The following BOK variants were observed in gnomAD, a reference collection of about 807,000 sequenced individuals.
The protein encoded by BOK is bcl-2-related ovarian killer protein.
BOK carries 20 observed loss-of-function variants against 18.3 expected under a neutral mutation model. That is an observed-to-expected ratio of 1.09 (90% CI 0.77 to 1.59). BOK has a LOEUF of 1.59. Ranked by LOEUF, BOK falls within the 40% of genes most tolerant of loss-of-function variation. BOK has a pLI of 0.00. For missense variants in BOK, 348 were observed against 307.9 expected, an observed-to-expected ratio of 1.13 and a Z score of -0.97; for synonymous variants, 173 against 142.4, an observed-to-expected ratio of 1.21 and a Z score of -1.53.
At chr2:241,561,150 C>T (rs2066521439) in intron 2 of BOK, among the ~76,000 whole-genome samples, 1 of 152,142 alleles carries the variant, frequency 6.6e-6, no homozygotes, top group Non-Finnish European at 1.5e-5. Context: ...CAGCCTTTAT[C>T]AGCTGGGATG....
intron 3 of BOK, among the ~76,000 whole-genome samples, chr2:241,566,147 G>GGT (rs979514150): frequency 1.4e-5 from 2 of 145,864 alleles, no homozygotes; most frequent in African/African-American, 4.9e-5. Flanking sequence ...GGCCAGGTTT[G>GGT]GTGGCACATG....
At position 241,562,395 on chromosome 2, in the gene BOK, C is replaced by G. The variant is rs777155155; in HGVS notation, c.268C>G (p.Arg90Gly). ...IRPSVYRNVARQLHISLQSEP... is the reference protein window; with the variant it reads ...IRPSVYRNVAGQLHISLQSEP... ...GCCCAGCGTCTACCGCAACGTGGCG[C>G]GTCAGCTGCACATCTCCCTGCAGTC... is the stretch of plus-strand genomic sequence containing the variant. Residue 90 changes from arginine to glycine, a missense_variant, in exon 3 of 5, where the codon CGT (arginine) becomes GGT (glycine). Arg to Gly is a moderately radical substitution (Grantham distance 125, BLOSUM62 -2). Transcript: ENST00000318407. This position sits in a 1 kb window ranked among gnomAD's most constrained non-coding sequence, Gnocchi z 4.5. 3 of 1,612,072 alleles carry G rather than the reference C, an allele frequency of 1.9e-6. No homozygotes were observed. Among genetic ancestry groups the G allele is most frequent in the Non-Finnish European group, 2.5e-6 (3 of 1,179,802 alleles).
chr2:241,559,629 C>T lies in BOK; in HGVS notation c.146C>T (p.Ser49Phe), dbSNP rs1188828879. 23 of 1,440,492 alleles carry T rather than the reference C, an allele frequency of 1.6e-5. No individual in the cohort carries two copies. Among genetic ancestry groups the T allele is most frequent in the Non-Finnish European group, 2.1e-5 (23 of 1,104,662 alleles). The allele number at this position is 1,440,492 out of a possible 1,614,324, so 89.2% of individuals were successfully genotyped here. A position where few individuals can be genotyped will look rare whatever the true frequency, so the allele number is the denominator to read the frequency against. Residue 49 changes from serine to phenylalanine, a missense_variant, in exon 2 of 5, where the codon TCC becomes TTC. Physicochemically the swap from Ser to Phe is radical, Grantham distance 155 (BLOSUM62 -2). Transcript: ENST00000318407. ...GCGCGGCTGCTGCGCGCCGGCCTCT[C>T]CTGGAGCGCGCCCGAGCGTGCCGCG... is the stretch of plus-strand genomic sequence containing the variant. Reference protein sequence around the residue: ...VHARLLRAGLSWSAPERAAPV... With the variant: ...VHARLLRAGLFWSAPERAAPV...
In BOK at chr2:241,570,270, G is replaced by T. The variant is rs2125055195; in HGVS notation, c.495G>T (p.Leu165=). 1 of 1,565,836 alleles carries T rather than the reference G, an allele frequency of 6.4e-7. No homozygotes were observed. The highest frequency in any genetic ancestry group is 8.6e-7 in the Non-Finnish European group (1 of 1,156,800). ...TGCGCAAGACCCTGGCAACCTGGCT[G>T]CGGAGACGCGGCGGATGGGTGAGCG... ...EFVRKTLATW[L]RRRGGWTDVL... is the part of the protein sequence containing the mutation. Residue 165 remains leucine, a synonymous_variant, in exon 4 of 5, where the codon CTG becomes CTT. Transcript: ENST00000318407.
chr2:241,556,581 C>CAAAAA (rs55866928), upstream of BOK, among the ~76,000 whole-genome samples: 20 of 86,688 alleles, frequency 2.3e-4, no homozygotes, highest in African/African-American at 5.5e-4. Context: ...GACTCCGTCT[C>CAAAAA]AAAAAAAAAA....
At chr2:241,555,500 C>G (rs1023393213), upstream of BOK, among the ~76,000 whole-genome samples, 1 of 152,108 alleles carries the variant, frequency 6.6e-6, no homozygotes, top group East Asian at 1.9e-4. Context: ...CTCAGCCTCC[C>G]GAGTAGCTGG....
chr2:241,564,710 G>A (rs1225272381), intron 3 of BOK, among the ~76,000 whole-genome samples: 1 of 152,190 alleles, frequency 6.6e-6, no homozygotes. Context: ...GCCCCGGAAG[G>A]AAGCCAGGGG....
chr2:241,556,817 GGTATTTTTTTAA>G (rs2066455427), upstream of BOK, among the ~76,000 whole-genome samples: 1 of 152,034 alleles, frequency 6.6e-6, no homozygotes, highest in Non-Finnish European at 1.5e-5. Flanking sequence ...TGAGACTGGT[GGTATTTTTTTAA>G]CTGTTGAGAA....
intron 1 of BOK, among the ~76,000 whole-genome samples, chr2:241,552,864 A>G (rs2066424003): frequency 1.3e-5 from 2 of 152,212 alleles, no homozygotes; most frequent in South Asian, 2.1e-4. Flanking sequence ...GGCAGCCTGC[A>G]GTGACCGGGA....
chr2:241,563,004 G>A (rs995908341), intron 3 of BOK, among the ~76,000 whole-genome samples: 1 of 152,222 alleles, frequency 6.6e-6, no homozygotes, highest in Non-Finnish European at 1.5e-5. Context: ...CAGCGTCCAG[G>A]AGAGGGGAGA....
chr2:241,560,231 A>T, intron 2 of BOK: 1 of 985,442 alleles, frequency 1.0e-6, no homozygotes. Context: ...CTGGGGTCAC[A>T]CACGGTCCAC....
chr2:241,567,828 T>C (rs1024809101), intron 3 of BOK, among the ~76,000 whole-genome samples: 1 of 88,246 alleles, frequency 1.1e-5, no homozygotes, highest in African/African-American at 5.0e-5. Flanking sequence ...CACTTAAAAG[T>C]GTGCAATTCA....
upstream of BOK, among the ~76,000 whole-genome samples, chr2:241,553,822 G>A (rs745325473): frequency 1.1e-4 from 16 of 152,190 alleles, no homozygotes; most frequent in Non-Finnish European, 2.1e-4. Flanking sequence ...CGTTGCCAAG[G>A]GCAACGGGGT....
chr2:241,552,307 C>T (rs2066419748), intron 1 of BOK, among the ~76,000 whole-genome samples: 1 of 152,034 alleles, frequency 6.6e-6, no homozygotes, highest in African/African-American at 2.4e-5. Context: ...TCCCTCAGAG[C>T]GCTGCAGCCT....
Position 241,562,460 on chromosome 2 carries a change from C to A in BOK, c.333C>A (p.Gly111=). The A allele has an allele frequency of 6.2e-7, 1 of 1,611,008 alleles. No individual in the cohort carries two copies. ...VVTDAFLAVA[G]HIFSAGITWG... ...CCGATGCGTTCCTGGCCGTGGCTGG[C>A]CACATCTTCTCTGCAGGTATGCCCA... Residue 111 remains glycine (G), a synonymous_variant, in exon 3 of 5, where the codon GGC becomes GGA. Transcript: ENST00000318407. The surrounding 1 kb of genome is among the most constrained non-coding windows in gnomAD (Gnocchi z 4.5).
At chr2:241,559,098 C>CCCGGG (rs931255018) in intron 1 of BOK, 105 bp downstream of exon 1, 1 of 157,322 alleles carries the variant, frequency 6.4e-6, no homozygotes, top group East Asian at 1.8e-4. Flanking sequence ...GGTGGGCGGC[C>CCCGGG]CCGGGCCGGG....
rs771577587 is a variant in BOK at position 241,562,463 on chromosome 2, C to T, written c.336C>T (p.His112=). The T allele has an allele frequency of 3.1e-6, 5 of 1,610,912 alleles. No individual in the cohort carries two copies. The East Asian group carries it at 6.7e-5, about 22-fold the overall frequency. ...VTDAFLAVAG[H]IFSAGITWGK... Reference sequence around the variant, plus strand: ...ATGCGTTCCTGGCCGTGGCTGGCCACATCTTCTCTGCAGGTATGCCCAGCC... The same window carrying T: ...ATGCGTTCCTGGCCGTGGCTGGCCATATCTTCTCTGCAGGTATGCCCAGCC... Residue 112 remains histidine (H), a synonymous_variant, in exon 3 of 5, where the codon CAC becomes CAT. Transcript: ENST00000318407. This position sits in a 1 kb window ranked among gnomAD's most constrained non-coding sequence, Gnocchi z 4.5.
chr2:241,570,278 G>T lies in BOK; in HGVS notation c.503G>T (p.Arg168Leu). The T allele has an allele frequency of 6.4e-7, 1 of 1,559,386 alleles. No homozygotes were observed. The highest frequency in any genetic ancestry group is 1.2e-5 in the South Asian group (1 of 85,208). ...RKTLATWLRR[R>L]GGWTDVLKCV... is the part of the protein sequence containing the mutation. ...ACCCTGGCAACCTGGCTGCGGAGAC[G>T]CGGCGGATGGGTGAGCGCCTGAGTG... is the stretch of plus-strand genomic sequence containing the variant. Residue 168 changes from arginine (R) to leucine (L), a missense_variant, in exon 4 of 5, where the codon CGC (arginine) becomes CTC (leucine). Transcript: ENST00000318407.
intron 2 of BOK, chr2:241,560,248 C>A (rs1368995120): frequency 1.0e-6 from 1 of 985,328 alleles, no homozygotes; most frequent in African/African-American, 1.7e-5. Flanking sequence ...CCACTGGCTG[C>A]CCCCACCGTC....
Sources: allele counts gnomAD v4.1 joint callset (sites outside exome capture counted in the v4.1 genomes callset), GRCh38; gene constraint gnomAD v4.1.1; non-coding constraint Gnocchi (gnomAD v3.1); transcripts MANE v1.5; gene names NCBI Gene and HGNC (gene_info 2026-07-23, HGNC 2026-07-21).